The following CELF2 variants were observed in gnomAD, a reference collection of about 807,000 sequenced individuals.
The protein encoded by CELF2 is CUG triplet repeat RNA-binding protein 2.
Under a neutral mutation model 62.6 loss-of-function variants are expected in CELF2, and 8 were observed. That is an observed-to-expected ratio of 0.13 (90% CI 0.07 to 0.23). The LOEUF (loss-of-function observed/expected upper bound fraction) is 0.23. Among genes scored for constraint, CELF2 ranks in the 10% least tolerant of loss-of-function variants. The probability of loss-of-function intolerance (pLI) is 1.00; values close to 1 mark genes in which losing one functional copy is unlikely to be tolerated. For missense variants in CELF2, 333 were observed against 671.0 expected (o/e 0.50, Z 5.56); for synonymous variants, 258 against 250.0 (o/e 1.03, Z -0.30).
At chr10:11,201,395 A>T (rs1024927321) in intron 2 of CELF2, among the ~76,000 whole-genome samples, 1 of 151,856 alleles carries the variant, frequency 6.6e-6, no homozygotes, top group African/African-American at 2.4e-5. Flanking sequence ...TTGTCACTCT[A>T]CCATCTCTTT....
At chr10:10,497,950 A>G in the CELF2 span, among the ~76,000 whole-genome samples, 1 of 152,224 alleles carries the variant, frequency 6.6e-6, no homozygotes, top group Non-Finnish European at 1.5e-5. Flanking sequence ...TGAACAGAAC[A>G]GACCAAAAGG....
At chr10:10,906,012 A>G (rs549566943) in intron 1 of CELF2, among the ~76,000 whole-genome samples, 1 of 152,204 alleles carries the variant, frequency 6.6e-6, no homozygotes, top group African/African-American at 2.4e-5. Context: ...CAAAAGTTGC[A>G]GTGAGCTCAG....
intron 1 of CELF2, among the ~76,000 whole-genome samples, chr10:11,137,172 G>A (rs1213263751): frequency 6.6e-6 from 1 of 152,202 alleles, no homozygotes; most frequent in African/African-American, 2.4e-5. Flanking sequence ...AAAAGTTATG[G>A]TGTAAGAGCT....
At position 11,304,671 on chromosome 10, in the gene CELF2, C is replaced by G. The variant is rs2094059966; in HGVS notation, c.977-9468C>G. On this transcript the variant is annotated intron_variant, in intron 9 of 12. Coordinates refer to ENST00000633077, the MANE Select transcript of CELF2 (RefSeq NM_001326342.2). ...CCATGAATTCCTTAACCCACTAATT[C>G]ATGAACGGATTAATCCATTAATGAG... 2.0e-5 allele frequency among the ~76,000 whole-genome samples: 3 copies of G among 152,336 alleles called. No homozygotes were observed. In the South Asian group the frequency reaches 6.2e-4, roughly 32 times the overall value.
At chr10:10,922,118 C>CAAA (rs11439941) in intron 2 of CELF2, among the ~76,000 whole-genome samples, 1 of 150,298 alleles carries the variant, frequency 6.7e-6, no homozygotes, top group African/African-American at 2.4e-5. Context: ...TTAATATTGC[C>CAAA]AAAAAAAAAC....
chr10:10,548,651 CT>C, the CELF2 span, among the ~76,000 whole-genome samples: 5 of 151,744 alleles, frequency 3.3e-5, no homozygotes, highest in Non-Finnish European at 7.4e-5. Flanking sequence ...TATGTTTTTT[CT>C]TTTTTTTAGA....
At chr10:11,225,901 C>T (rs1353510463) in intron 3 of CELF2, among the ~76,000 whole-genome samples, 1 of 152,174 alleles carries the variant, frequency 6.6e-6, no homozygotes, top group African/African-American at 2.4e-5. Context: ...TAGCATTCAC[C>T]TTGTTACACT....
At chr10:11,138,859 T>G (rs1219194223) in intron 1 of CELF2, among the ~76,000 whole-genome samples, 3 of 152,202 alleles carry the variant, frequency 2.0e-5, no homozygotes, top group Non-Finnish European at 2.9e-5. Context: ...AATTATCAAG[T>G]GTAAGTGGGA....
intron 1 of CELF2, among the ~76,000 whole-genome samples, chr10:11,142,164 G>C (rs2061447944): frequency 6.6e-6 from 1 of 152,222 alleles, no homozygotes. Context: ...GGTACGTTTA[G>C]AGAAGAATTG....
chr10:10,701,325 C>T, the CELF2 span, among the ~76,000 whole-genome samples: 1,419 of 152,288 alleles, frequency 9.3e-3, 8 homozygotes, highest in East Asian at 0.019. Context: ...AGTATGAGCT[C>T]GGCTCCAAAT....
At chr10:11,171,185 C>G (rs1235249017) in intron 2 of CELF2, 1 of 152,198 alleles carries the variant, frequency 6.6e-6, no homozygotes, top group African/African-American at 2.4e-5. Context: ...GCAACTGCAT[C>G]GCAACAGTAC....
Position 11,329,543 on chromosome 10 carries a change from C to G in CELF2, c.*490C>G, listed in dbSNP as rs1279119359. ...GGAGGGCCCGGTGCTTAGAGGTTAA[C>G]TTGGTGGCCTAGGAGAGGGAGAAGC... On this transcript the variant is annotated 3_prime_UTR_variant, in exon 13 of 13. Transcript: ENST00000633077. The surrounding 1 kb of genome is among the most constrained non-coding windows in gnomAD (Gnocchi z 5.5). The G allele has an allele frequency of 6.6e-6, 1 of 152,636 alleles. No individual in the cohort carries two copies. Among genetic ancestry groups the G allele is most frequent in the Non-Finnish European group, 1.5e-5 (1 of 68,036 alleles). The allele number at this position is 152,636 out of a possible 1,614,324, so 9.5% of individuals were successfully genotyped here.
chr10:11,159,549 T>C lies in CELF2; in HGVS notation c.75-5937T>C, dbSNP rs2065237030. ...GGTAGGGCCTGAGTTTCTGATGTGT[T>C]CTCCAGCATGCAGTGTGGGAAGGAG... On this transcript the variant is annotated intron_variant, in intron 1 of 12. Transcript: ENST00000633077. This position sits in a 1 kb window ranked among gnomAD's most constrained non-coding sequence, Gnocchi z 5.0. 6.6e-6 allele frequency among the ~76,000 whole-genome samples: 1 copy of C among 152,192 alleles called. No homozygotes were observed. Among genetic ancestry groups the C allele is most frequent in the Non-Finnish European group, 1.5e-5 (1 of 68,034 alleles).
Position 11,255,181 on chromosome 10 carries a change from G to T in CELF2, c.404-2557G>T, listed in dbSNP as rs1565580757. Reference sequence around the variant, plus strand: ...GCTACTTTGCCTTCTCTGAAGGGAGGAAAAAGAACTTGAATTAGAAGTTTT... The same window carrying T: ...GCTACTTTGCCTTCTCTGAAGGGAGTAAAAAGAACTTGAATTAGAAGTTTT... On this transcript the variant is annotated intron_variant, in intron 4 of 12. Transcript: ENST00000633077. The surrounding 1 kb of genome is among the most constrained non-coding windows in gnomAD (Gnocchi z 5.5). Among the ~76,000 whole-genome samples, 1 of 152,204 alleles carries T rather than the reference G, an allele frequency of 6.6e-6. No individual in the cohort carries two copies. Among genetic ancestry groups the T allele is most frequent in the Non-Finnish European group, 1.5e-5 (1 of 68,042 alleles).
chr10:10,913,541 C>T (rs1210165531), intron 1 of CELF2, among the ~76,000 whole-genome samples: 5 of 151,068 alleles, frequency 3.3e-5, no homozygotes. Flanking sequence ...CAGGCATGTG[C>T]CACTACGCCC....
At chr10:11,121,701 T>TTTTG (rs1244597047) in intron 1 of CELF2, among the ~76,000 whole-genome samples, 27 of 151,110 alleles carry the variant, frequency 1.8e-4, no homozygotes, top group Non-Finnish European at 1.2e-4. Context: ...TAGTATTTTT[T>TTTTG]TTGTTTTTTT....
In CELF2 at chr10:11,110,454, C is replaced by T. The variant is rs1461804598; in HGVS notation, c.75-55032C>T. Among the ~76,000 whole-genome samples the T allele has an allele frequency of 2.6e-5, 4 of 152,160 alleles. No individual in the cohort carries two copies. The highest frequency in any genetic ancestry group is 4.8e-5 in the African/African-American group (2 of 41,412). On this transcript the variant is annotated intron_variant, in intron 1 of 12. Transcript: ENST00000633077. This position sits in a 1 kb window ranked among gnomAD's most constrained non-coding sequence, Gnocchi z 4.0. ...GTACTTCTTTTCCCATCTCCTACTA[C>T]CTAAGTCGGGACAAAGCTTCTGCTT...
the CELF2 span, among the ~76,000 whole-genome samples, chr10:10,653,684 A>C: frequency 6.8e-6 from 1 of 146,954 alleles, no homozygotes. Context: ...ACAAAGACAC[A>C]ACATACCAGA....
At chr10:10,565,751 G>C in the CELF2 span, among the ~76,000 whole-genome samples, 1 of 152,152 alleles carries the variant, frequency 6.6e-6, no homozygotes, top group Non-Finnish European at 1.5e-5. Context: ...TGTTACTTCA[G>C]CCTGAGAGCC....
Sources: gnomAD v4.1 joint callset for allele counts (sites outside exome capture counted in the v4.1 genomes callset) on GRCh38, gnomAD v4.1.1 for gene constraint, Gnocchi (gnomAD v3.1) non-coding constraint, MANE v1.5 for transcripts, NCBI Gene and HGNC (gene_info 2026-07-23, HGNC 2026-07-21) for gene names.